The following MGAT4C variants were observed in gnomAD, a reference collection of about 807,000 sequenced individuals.
MGAT4C encodes the protein MGAT4 family member C.
A neutral mutation model predicts 40.1 loss-of-function variants in MGAT4C; 19 were observed. That is an observed-to-expected ratio of 0.47 (90% CI 0.33 to 0.70). The LOEUF is 0.70. MGAT4C is among the 30% of genes least tolerant of loss of function. The pLI is 0.02. For missense variants in MGAT4C, 491 were observed against 563.2 expected (o/e 0.87, Z 1.30); for synonymous variants, 181 against 187.1 (o/e 0.97, Z 0.27).
rs891196447 is a variant in MGAT4C at position 86,295,474 on chromosome 12, C to T, written c.-57+38591G>A. On this transcript the variant is annotated intron_variant, in intron 4 of 7. Coordinates refer to the MGAT4C transcript ENST00000548651. ...GCTCAGGAGTGAAGCTGCAGATTTT[C>T]GCAGTGAGTGTTACAGCTCATAAAA... Among the ~76,000 whole-genome samples, 6 of 152,196 alleles carry T rather than the reference C, an allele frequency of 3.9e-5. No individual in the cohort carries two copies. The East Asian group carries it at 7.8e-4, about 20-fold the overall frequency.
chr12:86,018,378 A>G (rs1026558683), intron 2 of MGAT4C, among the ~76,000 whole-genome samples: 3 of 152,190 alleles, frequency 2.0e-5, no homozygotes, highest in African/African-American at 4.8e-5. Flanking sequence ...CAGGGAAAAC[A>G]TGAAAGAAGT....
chr12:86,456,782 AATGTACATTTTAAAAG>A (rs1450931124), intron 2 of MGAT4C, among the ~76,000 whole-genome samples: 2 of 152,246 alleles, frequency 1.3e-5, no homozygotes, highest in Admixed American at 1.3e-4. Context: ...CCCAGCTAAA[AATGTACATTTTAAAAG>A]ATGCATGACA....
chr12:86,205,694 T>G (rs1451168295), intron 1 of MGAT4C, among the ~76,000 whole-genome samples: 1 of 152,050 alleles, frequency 6.6e-6, no homozygotes. Flanking sequence ...TTGATAAATG[T>G]GTACTTTACC....
At chr12:86,206,683 C>T (rs550097659) in intron 1 of MGAT4C, among the ~76,000 whole-genome samples, 2 of 152,240 alleles carry the variant, frequency 1.3e-5, no homozygotes, top group East Asian at 1.9e-4. Flanking sequence ...ACAATTCCTT[C>T]GTCCCTCTTT....
Position 86,789,038 on chromosome 12 carries a change from A to G in MGAT4C, c.-262+49628T>C, listed in dbSNP as rs187424455. On this transcript the variant is annotated intron_variant, in intron 1 of 7. Transcript: ENST00000548651. ...ATTCATAGTGAAGTAATTTTCCTGA[A>G]ATAGTATAAAAGGTTAAGAGCAAAG... is the stretch of plus-strand genomic sequence containing the variant. 4.0e-3 allele frequency among the ~76,000 whole-genome samples: 616 copies of G among 152,184 alleles called. 1 individual carries two copies. The highest frequency in any genetic ancestry group is 0.014 in the Middle Eastern group (4 of 294).
chr12:86,086,428 C>A (rs1360235184), intron 1 of MGAT4C, among the ~76,000 whole-genome samples: 2 of 151,882 alleles, frequency 1.3e-5, no homozygotes, highest in Non-Finnish European at 2.9e-5. Flanking sequence ...GGAGAAATAC[C>A]TAATGTAGAT....
intron 4 of MGAT4C, among the ~76,000 whole-genome samples, chr12:86,295,614 C>A (rs181696775): frequency 7.9e-4 from 120 of 152,260 alleles, no homozygotes; most frequent in African/African-American, 2.7e-3. Flanking sequence ...GCTCTGGCAG[C>A]CTGCTTTTAT....
intron 2 of MGAT4C, among the ~76,000 whole-genome samples, chr12:86,698,754 T>C (rs1950304263): frequency 6.6e-6 from 1 of 152,090 alleles, no homozygotes; most frequent in Non-Finnish European, 1.5e-5. Context: ...GTTTATTCAC[T>C]TGGTTTCATT....
chr12:86,232,453 A>G (rs867138629), intron 1 of MGAT4C, among the ~76,000 whole-genome samples: 11 of 152,188 alleles, frequency 7.2e-5, no homozygotes, highest in African/African-American at 2.7e-4. Flanking sequence ...TGAGAACGCA[A>G]GATCTGATGC....
At chr12:86,463,076 T>C (rs1418586018) in intron 2 of MGAT4C, among the ~76,000 whole-genome samples, 8 of 152,170 alleles carry the variant, frequency 5.3e-5, no homozygotes, top group African/African-American at 1.4e-4. Flanking sequence ...CCTTCAATTC[T>C]GGCAATTACA....
chr12:86,704,017 C>T (rs1950409687), intron 2 of MGAT4C, among the ~76,000 whole-genome samples: 1 of 151,796 alleles, frequency 6.6e-6, no homozygotes, highest in South Asian at 2.1e-4. Flanking sequence ...CTTAAAGTAA[C>T]CAAGGACAGT....
intron 2 of MGAT4C, among the ~76,000 whole-genome samples, chr12:86,018,987 A>G (rs1352472896): frequency 6.6e-6 from 1 of 152,002 alleles, no homozygotes; most frequent in Non-Finnish European, 1.5e-5. Flanking sequence ...TTATTTACCA[A>G]CTTCTCTTTT....
intron 1 of MGAT4C, among the ~76,000 whole-genome samples, chr12:86,815,912 G>A (rs192020425): frequency 3.3e-5 from 5 of 151,790 alleles, no homozygotes; most frequent in Non-Finnish European, 5.9e-5. Flanking sequence ...CTCCTTAGGC[G>A]ATGGGTGCAG....
At chr12:86,080,418 A>G (rs1870608715) in intron 1 of MGAT4C, among the ~76,000 whole-genome samples, 2 of 152,220 alleles carry the variant, frequency 1.3e-5, no homozygotes, top group Non-Finnish European at 2.9e-5. Context: ...ATTACTATAG[A>G]AAATAGGCAA....
Position 85,979,603 on chromosome 12 carries a change from T to C in MGAT4C, c.1123A>G (p.Thr375Ala), listed in dbSNP as rs34889924. Residue 375 changes from threonine to alanine, a missense_variant, in exon 5 of 5, where the codon ACA (threonine) becomes GCA (alanine). Thr to Ala is a moderately conservative substitution (Grantham distance 58). Transcript: ENST00000611864. Reference sequence around the variant, plus strand: ...AATACAATCACAAAAACATCTCCTGTTGAAGGTGGTTTCCCCCAAAAGTAC... The same window carrying C: ...AATACAATCACAAAAACATCTCCTGCTGAAGGTGGTTTCCCCCAAAAGTAC... ...DEYFWGKPPSTGDVFVIVFEN... is the reference protein window; with the variant it reads ...DEYFWGKPPSAGDVFVIVFEN... The C allele has an allele frequency of 3.3e-4, 530 of 1,610,316 alleles. 2 individuals are homozygous for C. The African/African-American group carries it at 6.5e-3, about 20-fold the overall frequency.
At chr12:86,120,638 T>TG (rs1362389634) in intron 1 of MGAT4C, among the ~76,000 whole-genome samples, 2 of 152,110 alleles carry the variant, frequency 1.3e-5, no homozygotes, top group Admixed American at 6.6e-5. Flanking sequence ...GGGTCTGGAG[T>TG]GGACCTCCAG....
At chr12:86,342,964 G>A (rs1483484184) in intron 3 of MGAT4C, among the ~76,000 whole-genome samples, 3 of 151,846 alleles carry the variant, frequency 2.0e-5, no homozygotes, top group African/African-American at 7.3e-5. Context: ...TACTAGATAG[G>A]GTAGAAACAT....
intron 4 of MGAT4C, among the ~76,000 whole-genome samples, chr12:86,320,493 A>G (rs2136161153): frequency 6.6e-6 from 1 of 152,304 alleles, no homozygotes; most frequent in African/African-American, 2.4e-5. Context: ...AATAGTAAGA[A>G]CTGAAATTTA....
Position 86,764,369 on chromosome 12 carries a change from A to G in MGAT4C, c.-261-37128T>C, listed in dbSNP as rs565874761. 9.4e-3 allele frequency among the ~76,000 whole-genome samples: 1,437 copies of G among 152,276 alleles called. 16 individuals are homozygous for G. Among genetic ancestry groups the G allele is most frequent in the African/African-American group, 0.033 (1,372 of 41,560 alleles). ...TAAACAAAGCAGCTGGGAAGCTCGA[A>G]CTGGGTGGAGCCCACCACAGCTCAA... On this transcript the variant is annotated intron_variant, in intron 1 of 7. Coordinates refer to the MGAT4C transcript ENST00000548651.
Sources: gnomAD v4.1 joint callset for allele counts (sites outside exome capture counted in the v4.1 genomes callset) on GRCh38, gnomAD v4.1.1 for gene constraint, MANE v1.5 for transcripts, NCBI Gene and HGNC (gene_info 2026-07-23, HGNC 2026-07-21) for gene names.